The following PID1 variants were observed in gnomAD, a reference collection of about 807,000 sequenced individuals.
PID1 encodes the protein PTB-containing, cubilin and LRP1-interacting protein.
In PID1, 10 loss-of-function variants were observed where a neutral mutation model predicts 19.1. The ratio of observed to expected loss-of-function variants is 0.52; its 90% CI spans 0.32 to 0.89. PID1 has a LOEUF of 0.89. PID1 is among the 40% of genes least tolerant of loss of function. The probability of loss-of-function intolerance (pLI) is 0.03; values close to 1 mark genes in which losing one functional copy is unlikely to be tolerated. For synonymous variants in PID1, 130 were observed against 116.0 expected (o/e 1.12, Z -0.78); for missense variants, 248 against 285.3 (o/e 0.87, Z 0.94).
intron 2 of PID1, among the ~76,000 whole-genome samples, chr2:229,078,228 G>A (rs552958865): frequency 1.3e-4 from 20 of 152,296 alleles, no homozygotes; most frequent in Middle Eastern, 3.4e-3. Context: ...GAATGTTTGT[G>A]ATTTTTGCAC....
intron 1 of PID1, among the ~76,000 whole-genome samples, chr2:229,161,488 T>C (rs1690491184): frequency 6.6e-6 from 1 of 152,070 alleles, no homozygotes; most frequent in Non-Finnish European, 1.5e-5. Context: ...TATATGGTAA[T>C]GAAAAATCAC....
intron 2 of PID1, among the ~76,000 whole-genome samples, chr2:229,125,675 TA>T (rs1374285490): frequency 6.6e-6 from 1 of 152,144 alleles, no homozygotes; most frequent in Non-Finnish European, 1.5e-5. Context: ...TTCATACAAA[TA>T]AAATAAAAGA....
At chr2:229,163,472 T>G (rs575931273) in intron 1 of PID1, among the ~76,000 whole-genome samples, 30 of 151,192 alleles carry the variant, frequency 2.0e-4, no homozygotes, top group Admixed American at 5.3e-4. Flanking sequence ...CACAGCCATA[T>G]TTATTCATGC....
chr2:229,266,232 C>A (rs147012451), intron 1 of PID1, among the ~76,000 whole-genome samples: 27 of 151,770 alleles, frequency 1.8e-4, no homozygotes, highest in African/African-American at 6.3e-4. Flanking sequence ...TCTAAGCAAC[C>A]GCTCTGAAAA....
chr2:229,046,349 T>A (rs1483562638), intron 2 of PID1, among the ~76,000 whole-genome samples: 2 of 102,138 alleles, frequency 2.0e-5, no homozygotes, highest in Non-Finnish European at 4.9e-5. Flanking sequence ...ATTAGGAAAG[T>A]GTGTGTGTGT....
intron 2 of PID1, among the ~76,000 whole-genome samples, chr2:229,034,591 A>G (rs1181912644): frequency 6.6e-6 from 1 of 152,058 alleles, no homozygotes; most frequent in African/African-American, 2.4e-5. Context: ...CTCCCTGCCC[A>G]GTTTCAGCAT....
intron 2 of PID1, among the ~76,000 whole-genome samples, chr2:229,115,200 T>C (rs915419897): frequency 3.9e-5 from 6 of 151,974 alleles, no homozygotes; most frequent in Admixed American, 6.6e-5. Flanking sequence ...GTGTAACACC[T>C]AAATAATAAT....
chr2:229,046,752 C>T (rs1437873013), intron 2 of PID1, among the ~76,000 whole-genome samples: 3 of 152,112 alleles, frequency 2.0e-5, no homozygotes, highest in Non-Finnish European at 2.9e-5. Context: ...AACTTGATCT[C>T]GCTGTTAGAT....
intron 1 of PID1, among the ~76,000 whole-genome samples, chr2:229,230,446 G>C (rs369057988): frequency 1.3e-5 from 2 of 152,180 alleles, no homozygotes; most frequent in Non-Finnish European, 2.9e-5. Context: ...TGCACACTCA[G>C]ATTAAACACC....
intron 1 of PID1, among the ~76,000 whole-genome samples, chr2:229,169,318 A>G (rs1176114821): frequency 2.0e-5 from 3 of 152,150 alleles, no homozygotes; most frequent in Non-Finnish European, 2.9e-5. Flanking sequence ...TGGATGTACT[A>G]TATGATCCCA....
At chr2:229,036,992 T>C (rs773267702) in intron 2 of PID1, among the ~76,000 whole-genome samples, 12 of 152,200 alleles carry the variant, frequency 7.9e-5, no homozygotes, top group Non-Finnish European at 1.5e-4. Context: ...AATGGAATGA[T>C]TATGACCCAG....
At chr2:229,264,039 A>G (rs28378381) in intron 1 of PID1, among the ~76,000 whole-genome samples, 55,063 of 152,120 alleles carry the variant, frequency 0.36, 10,708 homozygotes, top group Middle Eastern at 0.45. Context: ...AATAAAACCC[A>G]ATTAAATGAG....
chr2:229,269,319 G>C (rs1690673768), intron 1 of PID1, among the ~76,000 whole-genome samples: 1 of 152,238 alleles, frequency 6.6e-6, no homozygotes, highest in Admixed American at 6.5e-5. Flanking sequence ...AAAATAAGGG[G>C]GAGACATTTC....
intron 2 of PID1, among the ~76,000 whole-genome samples, chr2:229,075,321 T>A (rs1694536087): frequency 6.6e-6 from 1 of 152,254 alleles, no homozygotes; most frequent in Admixed American, 6.5e-5. Context: ...ACCATCTGTA[T>A]ATGCATTGAG....
intron 2 of PID1, among the ~76,000 whole-genome samples, chr2:229,150,517 T>C (rs1254259125): frequency 1.3e-5 from 2 of 152,206 alleles, no homozygotes; most frequent in Admixed American, 6.5e-5. Context: ...ATCCTGCTTT[T>C]CCTGTTCCTA....
At chr2:229,105,952 G>A (rs1041350882) in intron 2 of PID1, among the ~76,000 whole-genome samples, 9 of 151,884 alleles carry the variant, frequency 5.9e-5, no homozygotes, top group Admixed American at 5.9e-4. Flanking sequence ...GGTGGCGCGT[G>A]CCTGTAGTCC....
chr2:229,161,890 A>G (rs1322567077), intron 1 of PID1, among the ~76,000 whole-genome samples: 1 of 152,242 alleles, frequency 6.6e-6, no homozygotes, highest in Non-Finnish European at 1.5e-5. Flanking sequence ...AAAATGTTAT[A>G]TTAGCCATGT....
At chr2:229,247,608 A>C (rs1690036561) in intron 1 of PID1, among the ~76,000 whole-genome samples, 1 of 152,204 alleles carries the variant, frequency 6.6e-6, no homozygotes, top group Non-Finnish European at 1.5e-5. Flanking sequence ...TTACAGCTCG[A>C]GGGAATTCAG....
intron 2 of PID1, among the ~76,000 whole-genome samples, chr2:229,135,062 G>A (rs1689831815): frequency 6.6e-6 from 1 of 152,182 alleles, no homozygotes; most frequent in Non-Finnish European, 1.5e-5. Context: ...AATAAGAGGA[G>A]ATGGGAAAGA....
Sources: gnomAD v4.1 joint callset for allele counts (sites outside exome capture counted in the v4.1 genomes callset) on GRCh38, gnomAD v4.1.1 for gene constraint, MANE v1.5 for transcripts, NCBI Gene and HGNC (gene_info 2026-07-23, HGNC 2026-07-21) for gene names.